EDA: variants seen among roughly 807,000 people sequenced by gnomAD.
EDA encodes ectodysplasin A, also known as ectodysplasin-A.
EDA carries 2 observed loss-of-function variants against 23.6 expected under a neutral mutation model. That is an observed-to-expected ratio of 0.08 (90% CI 0.03 to 0.27). The LOEUF (loss-of-function observed/expected upper bound fraction) is 0.27. Among genes scored for constraint, EDA ranks in the 10% least tolerant of loss-of-function variants. The probability of loss-of-function intolerance (pLI) is 1.00; values close to 1 mark genes in which losing one functional copy is unlikely to be tolerated. For missense variants in EDA, 229 were observed against 324.2 expected, an observed-to-expected ratio of 0.71 and a Z score of 2.26; for synonymous variants, 131 against 132.0, an observed-to-expected ratio of 0.99 and a Z score of 0.05.
chrX:69,740,157 A>C (rs1482160617), intron 1 of EDA, among the ~76,000 whole-genome samples: 1 of 111,233 alleles, frequency 9.0e-6, no homozygotes, highest in Non-Finnish European at 1.9e-5. Context: ...TTGTATAATT[A>C]AATTAGTTCA....
chrX:69,660,927 T>G (rs1040033062), intron 1 of EDA, among the ~76,000 whole-genome samples: 41 of 111,637 alleles, frequency 3.7e-4, no homozygotes, highest in Non-Finnish European at 5.8e-4. Flanking sequence ...CCACACTGTC[T>G]TCCACAATGG....
chrX:69,784,753 T>G (rs1445091724), intron 1 of EDA, among the ~76,000 whole-genome samples: 1 of 104,412 alleles, frequency 9.6e-6, no homozygotes, highest in Non-Finnish European at 2.0e-5. Context: ...TCTTTTGGCT[T>G]AGGATTGACT....
intron 1 of EDA, among the ~76,000 whole-genome samples, chrX:69,813,030 T>A (rs1259906258): frequency 9.0e-6 from 1 of 111,612 alleles, no homozygotes; most frequent in African/African-American, 3.3e-5. Flanking sequence ...GGCAGACTGC[T>A]AATACTATAA....
chrX:69,750,079 A>G (rs1168201031), intron 1 of EDA, among the ~76,000 whole-genome samples: 5 of 106,972 alleles, frequency 4.7e-5, no homozygotes, highest in Non-Finnish European at 5.8e-5. Flanking sequence ...CAGGTTTGTT[A>G]CATATGTATA....
chrX:69,767,584 A>G lies in EDA; in HGVS notation c.396+150880A>G, dbSNP rs867606853. Among the ~76,000 whole-genome samples the G allele has an allele frequency of 4.7e-5, 5 of 106,228 alleles. No individual in the cohort carries two copies. The East Asian group carries it at 8.4e-4, about 18-fold the overall frequency. 92.2% of individuals were successfully genotyped at this position (106,228 alleles called of 115,157 possible). ...TATTGTTTAGTAGTAGCAGTATATT[A>G]TAGATATGTGACAATTCATTTTTCC... On this transcript the variant is annotated intron_variant, in intron 1 of 7. Coordinates refer to ENST00000374552, the MANE Select transcript of EDA (RefSeq NM_001399.5).
chrX:69,733,306 G>C (rs1369394744), intron 1 of EDA, among the ~76,000 whole-genome samples: 2 of 112,080 alleles, frequency 1.8e-5, no homozygotes, highest in Non-Finnish European at 3.8e-5. Context: ...TCCAGTTTCA[G>C]GTTTCTACAT....
At chrX:69,957,311 G>A in intron 2 of EDA, 179 bp downstream of exon 2, 1 of 424,771 alleles carries the variant, frequency 2.4e-6, no homozygotes, top group Admixed American at 4.0e-5. Context: ...GGCCAACATG[G>A]TGAAACCCTG....
chrX:69,810,744 G>A (rs1375877929), intron 1 of EDA, among the ~76,000 whole-genome samples: 4 of 84,004 alleles, frequency 4.8e-5, no homozygotes, highest in Non-Finnish European at 8.8e-5. Flanking sequence ...CAACAAGAGC[G>A]AGACTCCATC....
At position 70,036,063 on chromosome X, in the gene EDA, C is replaced by A. The variant is rs1413184198; in HGVS notation, c.*454C>A. On this transcript the variant is annotated 3_prime_UTR_variant, in exon 8 of 8. Transcript: ENST00000374552. ...TGGCTGGGGTGGAGTGGGAAGGGAG[C>A]ATTGCAGCCTAAGAAGAAGGCCAGA... The A allele has an allele frequency of 6.8e-6, 1 of 146,647 alleles. No homozygotes were observed. Among genetic ancestry groups the A allele is most frequent in the East Asian group, 2.0e-4 (1 of 4,975 alleles). 12.1% of individuals were successfully genotyped at this position (146,647 alleles called of 1,213,427 possible).
intron 2 of EDA, among the ~76,000 whole-genome samples, chrX:70,014,023 A>C (rs777930934): frequency 4.5e-5 from 5 of 112,275 alleles, no homozygotes; most frequent in African/African-American, 6.5e-5. Context: ...GCTCCAAGAT[A>C]CAAGTGGCAG....
chrX:69,786,042 A>G (rs1256467218), intron 1 of EDA, among the ~76,000 whole-genome samples: 1 of 108,916 alleles, frequency 9.2e-6, no homozygotes, highest in East Asian at 2.8e-4. Context: ...GTGTCGAGGA[A>G]TTTATCCATT....
intron 1 of EDA, among the ~76,000 whole-genome samples, chrX:69,636,632 G>GTTTTTTTT (rs200303089): frequency 1.1e-5 from 1 of 89,461 alleles, no homozygotes; most frequent in Admixed American, 1.3e-4. Flanking sequence ...CTGGTTCATG[G>GTTTTTTTT]TTTTTTTTTT....
chrX:69,678,806 C>A (rs1934211897), intron 1 of EDA, among the ~76,000 whole-genome samples: 1 of 59,801 alleles, frequency 1.7e-5, no homozygotes, highest in Non-Finnish European at 2.8e-5. Flanking sequence ...TAATTGAATA[C>A]CCTTTATTTC....
chrX:69,641,710 G>A (rs1330191151), intron 1 of EDA, among the ~76,000 whole-genome samples: 9 of 111,551 alleles, frequency 8.1e-5, no homozygotes, highest in African/African-American at 2.9e-4. Context: ...CTTTATAGAA[G>A]GACAGGCTGT....
At chrX:69,770,705 G>A (rs1360333533) in intron 1 of EDA, among the ~76,000 whole-genome samples, 3 of 105,383 alleles carry the variant, frequency 2.8e-5, no homozygotes, top group Non-Finnish European at 3.9e-5. Flanking sequence ...AGGGTCTTAT[G>A]AAGAGCAAAA....
intron 1 of EDA, among the ~76,000 whole-genome samples, chrX:69,896,850 T>A (rs2018023966): frequency 9.0e-6 from 1 of 111,720 alleles, no homozygotes; most frequent in South Asian, 3.7e-4. Context: ...ATATATTAAA[T>A]TAGCTATTTT....
intron 1 of EDA, among the ~76,000 whole-genome samples, chrX:69,863,056 AT>A (rs1422522267): frequency 9.1e-6 from 1 of 109,562 alleles, no homozygotes; most frequent in Non-Finnish European, 1.9e-5. Context: ...AAAAAAAAAA[AT>A]AGATGAATAT....
At chrX:69,680,090 T>C (rs982732058) in intron 1 of EDA, among the ~76,000 whole-genome samples, 2 of 109,983 alleles carry the variant, frequency 1.8e-5, no homozygotes, top group African/African-American at 6.7e-5. Flanking sequence ...CCAGTAGTCA[T>C]TCAGGAGCAG....
intron 2 of EDA, 126 bp from the exon 3 acceptor site, chrX:70,023,092 A>C: frequency 2.5e-6 from 1 of 394,900 alleles, no homozygotes; most frequent in Non-Finnish European, 4.4e-6. Context: ...CAAAAGCCTG[A>C]CCCTTGGCTG....
Sources: allele counts gnomAD v4.1 joint callset (sites outside exome capture counted in the v4.1 genomes callset), GRCh38; gene constraint gnomAD v4.1.1; transcripts MANE v1.5; gene names NCBI Gene and HGNC (gene_info 2026-07-23, HGNC 2026-07-21).